HOXA11: variants seen among roughly 807,000 people sequenced by gnomAD.
The protein encoded by HOXA11 is homeobox protein Hox-A11.
Under a neutral mutation model 22.5 loss-of-function variants are expected in HOXA11, and 8 were observed. That is an observed-to-expected ratio of 0.36 (90% confidence interval 0.21 to 0.64). The LOEUF is 0.64. HOXA11 is among the 30% of genes least tolerant of loss of function. HOXA11 has a pLI of 0.67. For missense variants in HOXA11, 388 were observed against 429.0 expected, an observed-to-expected ratio of 0.90 and a Z score of 0.84; for synonymous variants, 211 against 188.4, an observed-to-expected ratio of 1.12 and a Z score of -0.98.
chr7:27,182,753 T>A lies in HOXA11; in HGVS notation c.*43A>T. On this transcript the variant is annotated 3_prime_UTR_variant, in exon 2 of 2. Coordinates refer to ENST00000006015, the MANE Select transcript of HOXA11 (RefSeq NM_005523.6). The stretch of plus-strand genomic sequence containing the variant: ...TCAAGGGCAAAATCTGCATATTATC[T>A]CATGTGTATGAAGCCCCCCACCCAA... 8.2e-7 allele frequency: 1 copy of A among 1,216,274 alleles called. No individual in the cohort carries two copies. The highest frequency in any genetic ancestry group is 1.2e-6 in the Non-Finnish European group (1 of 817,626). 75.3% of individuals were successfully genotyped at this position (1,216,274 alleles called of 1,614,324 possible). A position where few individuals can be genotyped will look rare whatever the true frequency, so the allele number is the denominator to read the frequency against.
At chr7:27,183,339 C>G (rs1160462155) in intron 1 of HOXA11, among the ~76,000 whole-genome samples, 8 of 152,230 alleles carry the variant, frequency 5.3e-5, no homozygotes, top group African/African-American at 1.7e-4. Flanking sequence ...TCTTTGAAAG[C>G]AGCCAAGTGG....
chr7:27,184,695 G>T lies in HOXA11; in HGVS notation c.450C>A (p.Thr150=). ...FDQFFETAYG[T]PENLASSDYP... The stretch of plus-strand genomic sequence containing the variant: ...AGTCGGAGGAGGCGAGGTTTTCCGG[G>T]GTGCCGTAGGCTGTCTCGAAAAACT... The change falls in exon 1 of 2, where the codon ACC becomes ACA. Residue 150 remains threonine (T), a synonymous_variant. Coordinates refer to ENST00000006015, the MANE Select transcript of HOXA11 (RefSeq NM_005523.6). The T allele has an allele frequency of 6.2e-7, 1 of 1,613,530 alleles. No individual in the cohort carries two copies. The highest frequency in any genetic ancestry group is 8.5e-7 in the Non-Finnish European group (1 of 1,179,922).
At position 27,183,034 on chromosome 7, in the gene HOXA11, G is replaced by A. The variant is rs763248001; in HGVS notation, c.710-6C>T. 5 of 1,607,524 alleles carry A rather than the reference G, an allele frequency of 3.1e-6. No homozygotes were observed. The highest frequency in any genetic ancestry group is 2.2e-5 in the East Asian group (1 of 44,840). ...TTTGCGGGTGCGTTGGCCACCTGTG[G>A]AGGGAGAAAAGGCATGGGGTGAGCC... On this transcript the variant is annotated splice_polypyrimidine_tract_variant and splice_region_variant and intron_variant, in intron 1 of 1. Transcript: ENST00000006015.
At chr7:27,184,018 C>G (rs1031410130) in intron 1 of HOXA11, among the ~76,000 whole-genome samples, 1 of 152,064 alleles carries the variant, frequency 6.6e-6, no homozygotes, top group African/African-American at 2.4e-5. Context: ...GAATCCCGGC[C>G]GGGACTGGAG....
Position 27,184,442 on chromosome 7 carries a change from C to G in HOXA11, c.703G>C (p.Gly235Arg). 1 of 1,574,822 alleles carries G rather than the reference C, an allele frequency of 6.3e-7. No individual in the cohort carries two copies. Among genetic ancestry groups the G allele is most frequent in the Non-Finnish European group, 8.6e-7 (1 of 1,160,708 alleles). ...GCGCTGCCTTTATACGTACTGGAGC[C>G]GCCGGCCTTGTCCTCAGTGTGGCCG... is the stretch of plus-strand genomic sequence containing the variant. ...SSGHTEDKAG[G>R]SSGQRTRKKR... Residue 235 changes from glycine to arginine, a missense_variant, in exon 1 of 2, where the codon GGC (glycine) becomes CGC (arginine). Physicochemically the swap from Gly to Arg is moderately radical, Grantham distance 125 (BLOSUM62 -2). Coordinates refer to ENST00000006015, the MANE Select transcript of HOXA11 (RefSeq NM_005523.6).
Position 27,182,911 on chromosome 7 carries a change from C to A in HOXA11, c.827G>T (p.Arg276Leu). ...TTGACGATCAGTGAGGTTGAGCATG[C>A]GGGACAGTTGCAGGCGCTTCTCTTT... is the stretch of plus-strand genomic sequence containing the variant. The part of the protein sequence containing the change: ...INKEKRLQLS[R>L]MLNLTDRQVK... Residue 276 changes from arginine to leucine, a missense_variant, in exon 2 of 2, where the codon CGC becomes CTC. Physicochemically the swap from Arg to Leu is moderately radical, Grantham distance 102. Around this residue, in one of 4 missense-constraint regions of HOXA11, gnomAD observed 55 missense variants for 90.8 expected, o/e 0.61. Coordinates refer to ENST00000006015, the MANE Select transcript of HOXA11 (RefSeq NM_005523.6). The A allele has an allele frequency of 1.2e-6, 2 of 1,613,682 alleles. No individual in the cohort carries two copies. The highest frequency in any genetic ancestry group is 1.7e-6 in the Non-Finnish European group (2 of 1,179,646).
rs1783837067 is a variant in HOXA11 at position 27,184,827 on chromosome 7, C to T, written c.318G>A (p.Val106=). ...APSAAGVPGD[V]LAKSSANVYH... is the part of the protein sequence containing the mutation. Reference sequence around the variant, plus strand: ...AGACGTTGGCCGAGCTCTTGGCCAGCACGTCGCCAGGCACGCCGGCCGCGC... The same window carrying T: ...AGACGTTGGCCGAGCTCTTGGCCAGTACGTCGCCAGGCACGCCGGCCGCGC... Residue 106 remains valine (V), a synonymous_variant, in exon 1 of 2, where the codon GTG becomes GTA. Transcript: ENST00000006015. 1 of 1,613,560 alleles carries T rather than the reference C, an allele frequency of 6.2e-7. No homozygotes were observed. The highest frequency in any genetic ancestry group is 2.2e-5 in the East Asian group (1 of 44,852).
In HOXA11 at chr7:27,182,614, C is replaced by G; in HGVS notation, c.*182G>C. On this transcript the variant is annotated 3_prime_UTR_variant, in exon 2 of 2. Coordinates refer to ENST00000006015, the MANE Select transcript of HOXA11 (RefSeq NM_005523.6). ...TCAGAATCCAATGATTATTAGGAAT[C>G]TTAACCACTGAGATCTTAATCAAGA... The G allele has an allele frequency of 1.5e-6, 1 of 665,214 alleles. No individual in the cohort carries two copies. Among genetic ancestry groups the G allele is most frequent in the South Asian group, 1.6e-5 (1 of 60,874 alleles). The allele number at this position is 665,214 out of a possible 1,614,324, so 41.2% of individuals were successfully genotyped here.
Position 27,182,282 on chromosome 7 carries a change from C to A in HOXA11, c.*514G>T. 3.8e-6 allele frequency: 1 copy of A among 264,852 alleles called. No homozygotes were observed. The highest frequency in any genetic ancestry group is 1.2e-3 in the Middle Eastern group (1 of 850). 16.4% of individuals were successfully genotyped at this position (264,852 alleles called of 1,614,324 possible). A position where few individuals can be genotyped will look rare whatever the true frequency, so the allele number is the denominator to read the frequency against. On this transcript the variant is annotated 3_prime_UTR_variant, in exon 2 of 2. Coordinates refer to ENST00000006015, the MANE Select transcript of HOXA11 (RefSeq NM_005523.6). ...GCCCTCTTCCACCTCAAAGCTACCT[C>A]CAAGTCCAGCCGCTGTTCACATTGG...
At chr7:27,183,647 C>A (rs1289916379) in intron 1 of HOXA11, among the ~76,000 whole-genome samples, 2 of 151,524 alleles carry the variant, frequency 1.3e-5, no homozygotes, top group Non-Finnish European at 2.9e-5. Flanking sequence ...CACGGCCACA[C>A]GGCCATCCTG....
Position 27,184,865 on chromosome 7 carries a change from G to A in HOXA11, c.280C>T (p.Leu94=). ...SAEELVHRDC[L]QAPSAAGVPG... is the part of the protein sequence containing the mutation. ...ACGCCGGCCGCGCTGGGCGCCTGCA[G>A]GCAGTCTCTGTGCACGAGCTCCTCC... The change falls in exon 1 of 2, where the codon CTG becomes TTG. Residue 94 remains leucine (L), a synonymous_variant. Transcript: ENST00000006015. The A allele has an allele frequency of 6.2e-7, 1 of 1,613,832 alleles. No individual in the cohort carries two copies. The highest frequency in any genetic ancestry group is 8.5e-7 in the Non-Finnish European group (1 of 1,179,806).
At position 27,181,272 on chromosome 7, in the gene HOXA11, A is replaced by G. The variant is rs992100721; in HGVS notation, c.*1524T>C. Reference sequence around the variant, plus strand: ...AGGCCAACACTCCCAGTACAAATGGAGCCAACAGACATTTCTTAACACAGG... The same window carrying G: ...AGGCCAACACTCCCAGTACAAATGGGGCCAACAGACATTTCTTAACACAGG... On this transcript the variant is annotated 3_prime_UTR_variant, in exon 2 of 2. Transcript: ENST00000006015. Among the ~76,000 whole-genome samples, 5 of 152,220 alleles carry G rather than the reference A, an allele frequency of 3.3e-5. No individual in the cohort carries two copies. Among genetic ancestry groups the G allele is most frequent in the Non-Finnish European group, 7.3e-5 (5 of 68,042 alleles).
chr7:27,182,746 T>C lies in HOXA11; in HGVS notation c.*50A>G. On this transcript the variant is annotated 3_prime_UTR_variant, in exon 2 of 2. Transcript: ENST00000006015. ...GACTTTGTCAAGGGCAAAATCTGCA[T>C]ATTATCTCATGTGTATGAAGCCCCC... is the stretch of plus-strand genomic sequence containing the variant. The C allele has an allele frequency of 8.6e-7, 1 of 1,169,222 alleles. No individual in the cohort carries two copies. 72.4% of individuals were successfully genotyped at this position (1,169,222 alleles called of 1,614,324 possible). A position where few individuals can be genotyped will look rare whatever the true frequency, so the allele number is the denominator to read the frequency against.
Position 27,184,527 on chromosome 7 carries a change from T to C in HOXA11, c.618A>G (p.Ala206=). ...GCCGCCGCCGCTCTTTCTCCTCTGC[T>C]GCCGCCGCCGTCTCCCGGCAGCCGC... ...GGGGCRETAA[A]AEEKERRRRP... The change falls in exon 1 of 2, where the codon GCA becomes GCG. Residue 206 remains alanine (A), a synonymous_variant. Coordinates refer to ENST00000006015, the MANE Select transcript of HOXA11 (RefSeq NM_005523.6). The C allele has an allele frequency of 6.6e-7, 1 of 1,508,244 alleles. No homozygotes were observed. The highest frequency in any genetic ancestry group is 8.9e-7 in the Non-Finnish European group (1 of 1,125,976). The allele number at this position is 1,508,244 out of a possible 1,614,324, so 93.4% of individuals were successfully genotyped here. A position where few individuals can be genotyped will look rare whatever the true frequency, so the allele number is the denominator to read the frequency against.
In HOXA11 at chr7:27,182,717, G is replaced by T; in HGVS notation, c.*79C>A. ...ACCTCTTTTCAAAAGTCACCATGTG[G>T]CTTGACTTTGTCAAGGGCAAAATCT... On this transcript the variant is annotated 3_prime_UTR_variant, in exon 2 of 2. Coordinates refer to ENST00000006015, the MANE Select transcript of HOXA11 (RefSeq NM_005523.6). 1.1e-6 allele frequency: 1 copy of T among 910,668 alleles called. No individual in the cohort carries two copies. The highest frequency in any genetic ancestry group is 1.9e-6 in the Non-Finnish European group (1 of 539,324). The allele number at this position is 910,668 out of a possible 1,614,324, so 56.4% of individuals were successfully genotyped here. A position where few individuals can be genotyped will look rare whatever the true frequency, so the allele number is the denominator to read the frequency against.
In HOXA11 at chr7:27,182,145, G is replaced by A. The variant is rs1783780642; in HGVS notation, c.*651C>T. On this transcript the variant is annotated 3_prime_UTR_variant, in exon 2 of 2. Transcript: ENST00000006015. ...GAAAGAAAAGCCAGGTGGGCTGTAGGAGGCGGTGGCTAGGAACTCAGGGCT... is the reference window on the plus strand; with the variant it reads ...GAAAGAAAAGCCAGGTGGGCTGTAGAAGGCGGTGGCTAGGAACTCAGGGCT... 1 of 237,446 alleles carries A rather than the reference G, an allele frequency of 4.2e-6. No individual in the cohort carries two copies. Among genetic ancestry groups the A allele is most frequent in the Non-Finnish European group, 8.3e-6 (1 of 120,466 alleles). The allele number at this position is 237,446 out of a possible 1,614,324, so 14.7% of individuals were successfully genotyped here.
rs1783790785 is a variant in HOXA11, at chr7:27,182,715, T to A, written c.*81A>T. 1 of 893,472 alleles carries A rather than the reference T, an allele frequency of 1.1e-6. No homozygotes were observed. Among genetic ancestry groups the A allele is most frequent in the African/African-American group, 1.6e-5 (1 of 61,270 alleles). 55.3% of individuals were successfully genotyped at this position (893,472 alleles called of 1,614,324 possible). A position where few individuals can be genotyped will look rare whatever the true frequency, so the allele number is the denominator to read the frequency against. On this transcript the variant is annotated 3_prime_UTR_variant, in exon 2 of 2. Transcript: ENST00000006015. ...ACACCTCTTTTCAAAAGTCACCATG[T>A]GGCTTGACTTTGTCAAGGGCAAAAT...
chr7:27,184,317 T>G, intron 1 of HOXA11, 119 bp downstream of exon 1: 2 of 990,506 alleles, frequency 2.0e-6, no homozygotes, highest in Non-Finnish European at 2.9e-6. Context: ...GGGGGAAACC[T>G]AAAGGCCCTT....
In HOXA11 at chr7:27,184,898, A is replaced by G. The variant is rs1042360685; in HGVS notation, c.247T>C (p.Tyr83His). ...WHPRGNLAHC[Y>H]SAEELVHRDC... ...CTGTGCACGAGCTCCTCCGCGGAGT[A>G]GCAGTGGGCCAGATTGCCGCGGGGG... Residue 83 changes from tyrosine (Y) to histidine (H), a missense_variant, in exon 1 of 2, where the codon TAC (tyrosine) becomes CAC (histidine). This residue lies in a region of HOXA11 where 295 missense variants were observed against 281.1 expected (regional missense o/e 1.05). Coordinates refer to ENST00000006015, the MANE Select transcript of HOXA11 (RefSeq NM_005523.6). The G allele has an allele frequency of 2.5e-6, 4 of 1,614,084 alleles. No homozygotes were observed. The highest frequency in any genetic ancestry group is 3.4e-6 in the Non-Finnish European group (4 of 1,179,980).
Sources: allele counts gnomAD v4.1 joint callset (sites outside exome capture counted in the v4.1 genomes callset), GRCh38; gene constraint gnomAD v4.1.1; regional missense constraint gnomAD v4.1.1; transcripts MANE v1.5; gene names NCBI Gene and HGNC (gene_info 2026-07-23, HGNC 2026-07-21).